NEK10: variants seen among roughly 807,000 people sequenced by gnomAD.
The protein encoded by NEK10 is serine/threonine-protein kinase Nek10.
NEK10 carries 122 observed loss-of-function variants against 159.8 expected under a neutral mutation model. The observed-to-expected ratio is 0.76, with a 90% CI of 0.66 to 0.89. The LOEUF (loss-of-function observed/expected upper bound fraction) is 0.89. Ranked by LOEUF, NEK10 falls within the 40% of genes least tolerant of loss-of-function variation. NEK10 has a pLI of 0.00. For missense variants in NEK10, 1,342 were observed against 1,323.1 expected, an observed-to-expected ratio of 1.01 and a Z score of -0.22; for synonymous variants, 466 against 457.1, an observed-to-expected ratio of 1.02 and a Z score of -0.25.
chr3:27,146,914 C>A (rs750377009), intron 30 of NEK10, among the ~76,000 whole-genome samples: 1 of 152,096 alleles, frequency 6.6e-6, no homozygotes, highest in Non-Finnish European at 1.5e-5. Context: ...TTCAGTTTAG[C>A]TGGTGTGCAG....
chr3:27,285,545 C>CA lies in NEK10; in HGVS notation c.1790-585dup, dbSNP rs140646905. The stretch of plus-strand genomic sequence containing the variant: ...AAAAAAAAAAAAACAAACAAACAAA[C>CA]AAAAAAAAACAAAACTGGACTTCTC... On this transcript the variant is annotated intron_variant, in intron 20 of 35. Transcript: ENST00000691995. Among the ~76,000 whole-genome samples, 482 of 145,944 alleles carry CA rather than the reference C, an allele frequency of 3.3e-3. 1 individual carries two copies. The highest frequency in any genetic ancestry group is 9.9e-3 in the African/African-American group (401 of 40,372).
intron 5 of NEK10, among the ~76,000 whole-genome samples, chr3:27,334,101 G>A (rs2046622152): frequency 6.6e-6 from 1 of 152,112 alleles, no homozygotes; most frequent in Non-Finnish European, 1.5e-5. Flanking sequence ...TACAGTCCAA[G>A]GGCCAGGGGA....
rs1373860283 is a variant in NEK10, at chr3:27,106,704, T to A, written c.*4568A>T. On this transcript the variant is annotated 3_prime_UTR_variant, in exon 36 of 36. Coordinates refer to ENST00000691995, the MANE Select transcript of NEK10 (RefSeq NM_001394966.1). ...CTGGCACAAACTTCTCTCTGCATGTTTTATGGGACCAGTTTTTCACATGTT... is the reference window on the plus strand; with the variant it reads ...CTGGCACAAACTTCTCTCTGCATGTATTATGGGACCAGTTTTTCACATGTT... 1.3e-5 allele frequency among the ~76,000 whole-genome samples: 2 copies of A among 152,198 alleles called. No individual in the cohort carries two copies.
At chr3:27,197,322 C>T (rs1949644756) in intron 25 of NEK10, among the ~76,000 whole-genome samples, 1 of 151,768 alleles carries the variant, frequency 6.6e-6, no homozygotes, top group African/African-American at 2.4e-5. Context: ...ATTACAGGCG[C>T]ACACCACCAG....
chr3:27,206,255 G>C (rs185319651), intron 23 of NEK10, among the ~76,000 whole-genome samples: 244 of 152,278 alleles, frequency 1.6e-3, no homozygotes, highest in African/African-American at 5.5e-3. Context: ...CTAGTGACTA[G>C]TAGAAGTACT....
At chr3:27,343,073 A>G (rs1388388610) in intron 5 of NEK10, among the ~76,000 whole-genome samples, 1 of 152,168 alleles carries the variant, frequency 6.6e-6, no homozygotes, top group Non-Finnish European at 1.5e-5. Context: ...AACCTTGGTA[A>G]AGATTTTAGG....
intron 23 of NEK10, among the ~76,000 whole-genome samples, chr3:27,249,189 C>A (rs557290030): frequency 2.0e-5 from 3 of 152,158 alleles, no homozygotes; most frequent in Non-Finnish European, 4.4e-5. Flanking sequence ...AAAGAAGGAG[C>A]CTTGCTTCCC....
intron 25 of NEK10, among the ~76,000 whole-genome samples, chr3:27,195,291 T>C (rs1949466824): frequency 1.3e-5 from 2 of 152,256 alleles, no homozygotes; most frequent in African/African-American, 2.4e-5. Flanking sequence ...TACTTGCCTT[T>C]ATGTGTCCCT....
Position 27,191,461 on chromosome 3 carries a change from T to A in NEK10, c.2505+568A>T, listed in dbSNP as rs1053116716. 2.0e-5 allele frequency among the ~76,000 whole-genome samples: 3 copies of A among 152,234 alleles called. No homozygotes were observed. In the South Asian group the frequency reaches 6.2e-4, roughly 32 times the overall value. On this transcript the variant is annotated intron_variant, in intron 26 of 35. Transcript: ENST00000691995. ...TCACTGGCACCATTGCTTGCACATGTGGATATTTGTAGCTTTGGCATCTCT... is the reference window on the plus strand; with the variant it reads ...TCACTGGCACCATTGCTTGCACATGAGGATATTTGTAGCTTTGGCATCTCT...
chr3:27,177,535 A>G (rs13327786), intron 26 of NEK10, among the ~76,000 whole-genome samples: 2,777 of 135,836 alleles, frequency 0.02, 48 homozygotes, highest in African/African-American at 0.058. Context: ...ACAGAGCAAG[A>G]CTCTTGTCTC....
intron 32 of NEK10, among the ~76,000 whole-genome samples, chr3:27,125,303 T>A (rs1332749311): frequency 6.6e-6 from 1 of 152,186 alleles, no homozygotes; most frequent in African/African-American, 2.4e-5. Context: ...CTTTTTCATA[T>A]GATAAAATAG....
chr3:27,261,108 C>A (rs1489454937), intron 22 of NEK10, among the ~76,000 whole-genome samples: 10 of 152,188 alleles, frequency 6.6e-5, no homozygotes, highest in African/African-American at 2.2e-4. Flanking sequence ...TGATTCTTCT[C>A]TCTTTTCTTC....
intron 5 of NEK10, among the ~76,000 whole-genome samples, chr3:27,339,942 C>G (rs931451308): frequency 2.6e-5 from 4 of 152,172 alleles, no homozygotes; most frequent in African/African-American, 9.7e-5. Context: ...TTATGGAGGA[C>G]AGCATGGTAA....
chr3:27,259,925 G>C (rs1176420582), intron 22 of NEK10, among the ~76,000 whole-genome samples: 1 of 152,024 alleles, frequency 6.6e-6, no homozygotes, highest in Non-Finnish European at 1.5e-5. Flanking sequence ...TCCTTGAAGA[G>C]GTCCTTCACA....
intron 28 of NEK10, among the ~76,000 whole-genome samples, chr3:27,173,672 T>C (rs947305298): frequency 6.6e-6 from 1 of 152,194 alleles, no homozygotes; most frequent in Non-Finnish European, 1.5e-5. Flanking sequence ...CATAGTATAG[T>C]CACTGAGGAG....
intron 23 of NEK10, among the ~76,000 whole-genome samples, chr3:27,246,531 T>C (rs1171539688): frequency 6.6e-6 from 1 of 152,246 alleles, no homozygotes; most frequent in Non-Finnish European, 1.5e-5. Flanking sequence ...TATCCATCAC[T>C]TCAAGCATTG....
intron 35 of NEK10, among the ~76,000 whole-genome samples, chr3:27,115,459 A>C (rs1170009097): frequency 1.3e-5 from 2 of 152,200 alleles, no homozygotes; most frequent in Non-Finnish European, 2.9e-5. Flanking sequence ...AGGGTAAACA[A>C]ATGGCAACAT....
At chr3:27,180,663 G>GTT (rs1947993042) in intron 26 of NEK10, among the ~76,000 whole-genome samples, 1 of 152,116 alleles carries the variant, frequency 6.6e-6, no homozygotes, top group Non-Finnish European at 1.5e-5. Context: ...GTTACATAAG[G>GTT]AAAGGTCTAG....
chr3:27,110,437 G>T lies in NEK10; in HGVS notation c.*835C>A, dbSNP rs1002682023. On this transcript the variant is annotated 3_prime_UTR_variant, in exon 36 of 36. Coordinates refer to ENST00000691995, the MANE Select transcript of NEK10 (RefSeq NM_001394966.1). Reference sequence around the variant, plus strand: ...GTAATAAGGAGGGATTTAGGATGAGGAATATTGCATCTTTTTCATAGATTC... The same window carrying T: ...GTAATAAGGAGGGATTTAGGATGAGTAATATTGCATCTTTTTCATAGATTC... The T allele has an allele frequency of 3.9e-5, 6 of 152,262 alleles. No individual in the cohort carries two copies. Among genetic ancestry groups the T allele is most frequent in the African/African-American group, 1.4e-4 (6 of 41,560 alleles). 9.4% of individuals were successfully genotyped at this position (152,262 alleles called of 1,614,324 possible). A position where few individuals can be genotyped will look rare whatever the true frequency, so the allele number is the denominator to read the frequency against.
Sources: allele counts gnomAD v4.1 joint callset (sites outside exome capture counted in the v4.1 genomes callset), GRCh38; gene constraint gnomAD v4.1.1; transcripts MANE v1.5; gene names NCBI Gene and HGNC (gene_info 2026-07-23, HGNC 2026-07-21).